COMMD1: variants seen among roughly 807,000 people sequenced by gnomAD.
COMMD1 encodes the protein COMM domain-containing protein 1.
A neutral mutation model predicts 17.2 loss-of-function variants in COMMD1; 10 were observed. The observed-to-expected ratio is 0.58, with a 90% confidence interval of 0.36 to 0.99. COMMD1 has a LOEUF of 0.99. Ranked by LOEUF, COMMD1 falls within the 50% of genes least tolerant of loss-of-function variation. The probability of loss-of-function intolerance (pLI) is 0.01; values close to 1 mark genes in which losing one functional copy is unlikely to be tolerated. For missense variants in COMMD1, 270 were observed against 231.8 expected (o/e 1.17, Z -1.07); for synonymous variants, 97 against 91.6 (o/e 1.06, Z -0.34).
In COMMD1 at chr2:61,975,125, T is replaced by C. The variant is rs1426565906; in HGVS notation, c.181-25576T>C. Among the ~76,000 whole-genome samples, 33 of 145,346 alleles carry C rather than the reference T, an allele frequency of 2.3e-4. No individual in the cohort carries two copies. In the East Asian group the frequency reaches 4.9e-3, roughly 22 times the overall value. Reference sequence around the variant, plus strand: ...TCGATAGCTCATTTCTTTCTTTTTTTTTTTTTTTTTTTTTTGTATTTTAAT... The same window carrying C: ...TCGATAGCTCATTTCTTTCTTTTTTCTTTTTTTTTTTTTTTGTATTTTAAT... On this transcript the variant is annotated intron_variant, in intron 1 of 2. Transcript: ENST00000311832.
chr2:61,889,857 A>G (rs1669381871), intron 1 of COMMD1, among the ~76,000 whole-genome samples: 1 of 152,194 alleles, frequency 6.6e-6, no homozygotes, highest in Admixed American at 6.5e-5. Flanking sequence ...TATTTCCGTT[A>G]TCTGCTAAGC....
chr2:62,041,865 T>C (rs746736489), intron 2 of COMMD1, among the ~76,000 whole-genome samples: 3 of 152,202 alleles, frequency 2.0e-5, no homozygotes, highest in Non-Finnish European at 2.9e-5. Flanking sequence ...GCTGTGAGTG[T>C]TGCAGCTCAT....
Position 61,917,021 on chromosome 2 carries a change from T to C in COMMD1, c.180+11163T>C, listed in dbSNP as rs528560947. Among the ~76,000 whole-genome samples, 3 of 152,246 alleles carry C rather than the reference T, an allele frequency of 2.0e-5. No individual in the cohort carries two copies. In the South Asian group the frequency reaches 6.2e-4, roughly 32 times the overall value. ...TCCTGCTTGCTAAATACCTGGGAAA[T>C]TTTTATGGAAAGCAATTGCAGTAAA... On this transcript the variant is annotated intron_variant, in intron 1 of 2. Transcript: ENST00000311832.
At chr2:61,970,976 C>G (rs901766123) in intron 1 of COMMD1, among the ~76,000 whole-genome samples, 3 of 152,178 alleles carry the variant, frequency 2.0e-5, no homozygotes, top group African/African-American at 7.2e-5. Flanking sequence ...GGTGCGATCA[C>G]TGCTCACTGT....
intron 2 of COMMD1, among the ~76,000 whole-genome samples, chr2:62,106,685 G>C (rs1672332851): frequency 6.6e-6 from 1 of 152,236 alleles, no homozygotes; most frequent in Non-Finnish European, 1.5e-5. Context: ...GAAGCTGCCA[G>C]GTGGTGATGA....
intron 2 of COMMD1, among the ~76,000 whole-genome samples, chr2:62,005,958 A>G (rs1669100662): frequency 6.6e-6 from 1 of 152,020 alleles, no homozygotes; most frequent in Non-Finnish European, 1.5e-5. Flanking sequence ...ATGTCCAACA[A>G]TGATAGACTG....
At chr2:62,124,149 G>A (rs917157828) in intron 2 of COMMD1, among the ~76,000 whole-genome samples, 4 of 151,956 alleles carry the variant, frequency 2.6e-5, no homozygotes, top group Non-Finnish European at 4.4e-5. Context: ...AATACAAAAT[G>A]AGCTGGGTAT....
At chr2:62,100,438 G>A (rs183798909) in intron 2 of COMMD1, 5 of 152,342 alleles carry the variant, frequency 3.3e-5, no homozygotes, top group South Asian at 2.1e-4. Context: ...TGCCCAAGGT[G>A]ATCAGGGCAC....
At chr2:62,028,063 G>T (rs1012809455) in intron 2 of COMMD1, among the ~76,000 whole-genome samples, 1 of 152,182 alleles carries the variant, frequency 6.6e-6, no homozygotes, top group Non-Finnish European at 1.5e-5. Context: ...GGAGTAGAAA[G>T]TCCTCTTCAC....
chr2:62,120,293 AC>A (rs1672708150), intron 2 of COMMD1, among the ~76,000 whole-genome samples: 1 of 148,766 alleles, frequency 6.7e-6, no homozygotes, highest in African/African-American at 2.5e-5. Flanking sequence ...GAGCCACTGC[AC>A]CCAGCTGTGG....
intron 1 of COMMD1, among the ~76,000 whole-genome samples, chr2:61,968,285 G>T (rs1009989806): frequency 7.2e-5 from 11 of 152,266 alleles, no homozygotes; most frequent in African/African-American, 2.6e-4. Flanking sequence ...CAAAACAGTT[G>T]AATACTGTTG....
chr2:62,115,279 A>C (rs1194958049), intron 2 of COMMD1, among the ~76,000 whole-genome samples: 1 of 152,218 alleles, frequency 6.6e-6, no homozygotes, highest in Non-Finnish European at 1.5e-5. Context: ...TGGGGAGAGG[A>C]ACTAGTCAAT....
intron 2 of COMMD1, among the ~76,000 whole-genome samples, chr2:62,051,281 T>C (rs912575515): frequency 1.3e-5 from 2 of 152,204 alleles, no homozygotes; most frequent in African/African-American, 4.8e-5. Flanking sequence ...TAAAACTCCA[T>C]GTAACTTATA....
At chr2:62,060,250 G>C (rs1020081600) in intron 2 of COMMD1, among the ~76,000 whole-genome samples, 2 of 152,184 alleles carry the variant, frequency 1.3e-5, no homozygotes, top group Admixed American at 6.5e-5. Flanking sequence ...AGGATCCCTT[G>C]AGCCTGGGAG....
chr2:62,112,356 T>C (rs1416574856), intron 2 of COMMD1, among the ~76,000 whole-genome samples: 2 of 152,234 alleles, frequency 1.3e-5, no homozygotes, highest in Admixed American at 1.3e-4. Flanking sequence ...TTTTGGGGCT[T>C]GTCATAGCCT....
rs187428696 is a variant in COMMD1 at position 61,966,587 on chromosome 2, C to A, written c.181-34114C>A. On this transcript the variant is annotated intron_variant, in intron 1 of 2. Transcript: ENST00000311832. ...AAGTTGGACTTCATGTATAAAGGCTCTAGTAATGTCCTAGGTCATCAGATA... is the reference window on the plus strand; with the variant it reads ...AAGTTGGACTTCATGTATAAAGGCTATAGTAATGTCCTAGGTCATCAGATA... Among the ~76,000 whole-genome samples the A allele has an allele frequency of 6.6e-5, 10 of 152,016 alleles. No individual in the cohort carries two copies. The East Asian group carries it at 2.0e-3, about 30-fold the overall frequency.
intron 1 of COMMD1, among the ~76,000 whole-genome samples, chr2:61,945,126 T>C (rs886145143): frequency 6.6e-6 from 1 of 151,954 alleles, no homozygotes; most frequent in Non-Finnish European, 1.5e-5. Flanking sequence ...AATGGTAAGG[T>C]GAAATTAAGA....
At chr2:61,956,542 T>A (rs2103682751) in intron 1 of COMMD1, among the ~76,000 whole-genome samples, 1 of 151,902 alleles carries the variant, frequency 6.6e-6, no homozygotes, top group South Asian at 2.1e-4. Context: ...TGAGAGTAGC[T>A]GGGATTACAG....
intron 2 of COMMD1, among the ~76,000 whole-genome samples, chr2:62,093,611 G>T: frequency 6.6e-6 from 1 of 152,176 alleles, no homozygotes; most frequent in East Asian, 1.9e-4. Context: ...GTACATTGCC[G>T]TACAGGACAG....
Sources: gnomAD v4.1 joint callset for allele counts (sites outside exome capture counted in the v4.1 genomes callset) on GRCh38, gnomAD v4.1.1 for gene constraint, MANE v1.5 for transcripts, NCBI Gene and HGNC (gene_info 2026-07-23, HGNC 2026-07-21) for gene names.